CUX1: variants seen among roughly 807,000 people sequenced by gnomAD.
CUX1 encodes the protein protein CASP.
Under a neutral mutation model 158.8 loss-of-function variants are expected in CUX1, and 31 were observed. That is an observed-to-expected ratio of 0.20 (90% CI 0.15 to 0.26). The LOEUF (loss-of-function observed/expected upper bound fraction) is 0.26. Among genes scored for constraint, CUX1 ranks in the 10% least tolerant of loss-of-function variants. The probability of loss-of-function intolerance (pLI) is 1.00; values close to 1 mark genes in which losing one functional copy is unlikely to be tolerated. For missense variants in CUX1, 1,589 were observed against 2,014.6 expected (o/e 0.79, Z 4.04); for synonymous variants, 879 against 862.1 (o/e 1.02, Z -0.34).
intron 20 of CUX1, among the ~76,000 whole-genome samples, chr7:102,217,380 C>T (rs1797337681): frequency 6.6e-6 from 1 of 152,274 alleles, no homozygotes; most frequent in Admixed American, 6.5e-5. Flanking sequence ...GTCCCCTCCC[C>T]GCCCGCGGGT....
intron 21 of CUX1, among the ~76,000 whole-genome samples, chr7:102,233,654 G>A (rs1799226472): frequency 6.6e-6 from 1 of 152,176 alleles, no homozygotes; most frequent in African/African-American, 2.4e-5. Context: ...AGGCGTGGTG[G>A]CGAGCACCTG....
At chr7:101,946,544 CAAA>C (rs386410843) in intron 2 of CUX1, among the ~76,000 whole-genome samples, 7 of 78,168 alleles carry the variant, frequency 9.0e-5, no homozygotes, top group Non-Finnish European at 1.4e-4. Context: ...GACTCCGTCT[CAAA>C]AAAAAAAAAA....
intron 9 of CUX1, among the ~76,000 whole-genome samples, chr7:102,166,439 G>T (rs529305859): frequency 2.3e-4 from 35 of 152,248 alleles, no homozygotes; most frequent in African/African-American, 7.9e-4. Context: ...GGAGTCCGGC[G>T]GTGACCACAG....
chr7:101,868,848 T>G lies in CUX1; in HGVS notation c.31-47267T>G, dbSNP rs1798192396. Among the ~76,000 whole-genome samples the G allele has an allele frequency of 2.0e-5, 3 of 152,082 alleles. No individual in the cohort carries two copies. The South Asian group carries it at 6.2e-4, about 32-fold the overall frequency. On this transcript the variant is annotated intron_variant, in intron 1 of 23. Transcript: ENST00000292535. Reference sequence around the variant, plus strand: ...TCGTGGGGGGATGGGAGCAGTGGCTTGGGAAGGGACAGAACGGGAGCAAGA... The same window carrying G: ...TCGTGGGGGGATGGGAGCAGTGGCTGGGGAAGGGACAGAACGGGAGCAAGA...
At chr7:102,063,961 G>A (rs751862123) in intron 3 of CUX1, among the ~76,000 whole-genome samples, 1 of 152,186 alleles carries the variant, frequency 6.6e-6, no homozygotes, top group Non-Finnish European at 1.5e-5. Context: ...GCCGCGGCTG[G>A]GAGATGGAGC....
intron 3 of CUX1, among the ~76,000 whole-genome samples, chr7:102,067,787 C>G (rs945064965): frequency 6.6e-6 from 1 of 151,628 alleles, no homozygotes; most frequent in African/African-American, 2.4e-5. Flanking sequence ...TGCCTGTAAT[C>G]TCGCCTGACC....
intron 4 of CUX1, among the ~76,000 whole-genome samples, chr7:102,090,403 T>G (rs1156875737): frequency 6.6e-6 from 1 of 152,090 alleles, no homozygotes; most frequent in East Asian, 1.9e-4. Flanking sequence ...TTTTGTTTTT[T>G]TTGAGATGGA....
At chr7:102,022,613 CA>C (rs11344759) in intron 2 of CUX1, among the ~76,000 whole-genome samples, 109,133 of 134,812 alleles carry the variant, frequency 0.81, 43,590 homozygotes, top group East Asian at 0.96. Context: ...GACACTGTCT[CA>C]AAAAAAAAAA....
chr7:102,147,242 G>T (rs1182221943), intron 8 of CUX1, among the ~76,000 whole-genome samples: 1 of 152,064 alleles, frequency 6.6e-6, no homozygotes, highest in African/African-American at 2.4e-5. Flanking sequence ...TTTAACCTTG[G>T]GTGGAAAACG....
At chr7:101,944,469 G>A (rs952511395) in intron 2 of CUX1, among the ~76,000 whole-genome samples, 5 of 152,232 alleles carry the variant, frequency 3.3e-5, no homozygotes, top group African/African-American at 9.6e-5. Flanking sequence ...CGCGGGAGAC[G>A]CATGCTCCTC....
At chr7:101,960,570 GGTTGAGGCTGCA>G (rs1192942370) in intron 2 of CUX1, 2 of 152,246 alleles carry the variant, frequency 1.3e-5, no homozygotes, top group Admixed American at 1.3e-4. Flanking sequence ...GAGCCTGGGA[GGTTGAGGCTGCA>G]GTGAGCAGAG....
chr7:101,889,593 G>A (rs6957361), intron 1 of CUX1, among the ~76,000 whole-genome samples: 68,997 of 151,814 alleles, frequency 0.45, 16,622 homozygotes, highest in African/African-American at 0.6. Context: ...CAGCATGGTG[G>A]AACCCCATTT....
intron 1 of CUX1, among the ~76,000 whole-genome samples, chr7:101,828,125 A>G (rs1239302600): frequency 6.6e-6 from 1 of 151,836 alleles, no homozygotes; most frequent in Non-Finnish European, 1.5e-5. Context: ...ACAGGCACCC[A>G]CTACTACACC....
At chr7:101,947,351 G>A (rs530630622) in intron 2 of CUX1, among the ~76,000 whole-genome samples, 6 of 152,154 alleles carry the variant, frequency 3.9e-5, no homozygotes, top group Non-Finnish European at 8.8e-5. Flanking sequence ...CCGTGATCAT[G>A]CCACTGCACT....
At chr7:101,914,525 A>G (rs1231561253) in intron 1 of CUX1, among the ~76,000 whole-genome samples, 2 of 141,272 alleles carry the variant, frequency 1.4e-5, no homozygotes, top group African/African-American at 5.3e-5. Flanking sequence ...TTCCCTTGGG[A>G]CACCTCACTC....
intron 10 of CUX1, 84 bp downstream of exon 10, chr7:102,170,634 C>T (rs1223551457): frequency 3.2e-6 from 3 of 937,418 alleles, no homozygotes; most frequent in Non-Finnish European, 4.9e-6. Flanking sequence ...TTTTTGTTTT[C>T]AGCATCTCTT....
intron 2 of CUX1, among the ~76,000 whole-genome samples, chr7:102,020,946 G>A (rs912277329): frequency 2.6e-5 from 4 of 151,966 alleles, no homozygotes; most frequent in African/African-American, 7.3e-5. Flanking sequence ...AGGCAAGAGC[G>A]GAGAATTACC....
At chr7:102,133,733 C>T in intron 8 of CUX1, among the ~76,000 whole-genome samples, 1 of 152,126 alleles carries the variant, frequency 6.6e-6, no homozygotes, top group Non-Finnish European at 1.5e-5. Context: ...CCTCCGCCTC[C>T]CAAAGTGCTG....
intron 2 of CUX1, among the ~76,000 whole-genome samples, chr7:102,021,614 CTTTTTTTTTTTT>C (rs67147187): frequency 6.4e-5 from 7 of 109,356 alleles, no homozygotes; most frequent in South Asian, 5.3e-4. Context: ...TTTTTTTTCT[CTTTTTTTTTTTT>C]TTTTTTTTTT....
Sources: gnomAD v4.1 joint callset for allele counts (sites outside exome capture counted in the v4.1 genomes callset) on GRCh38, gnomAD v4.1.1 for gene constraint, MANE v1.5 for transcripts, NCBI Gene and HGNC (gene_info 2026-07-23, HGNC 2026-07-21) for gene names.